SLC25A52: variants seen among roughly 807,000 people sequenced by gnomAD.
The protein encoded by SLC25A52 is solute carrier family 25 member 52, also known as mitochondrial nicotinamide adenine dinucleotide transporter SLC25A52.
In SLC25A52, 12 loss-of-function variants were observed where a neutral mutation model predicts 17.7. The ratio of observed to expected loss-of-function variants is 0.68; its 90% CI spans 0.43 to 1.10. The LOEUF (loss-of-function observed/expected upper bound fraction) is 1.10, where lower values mean the gene tolerates loss of function less well. SLC25A52 is among the 50% of genes least tolerant of loss of function. The probability of loss-of-function intolerance (pLI) is 0.00; values close to 1 mark genes in which losing one functional copy is unlikely to be tolerated. For synonymous variants in SLC25A52, 108 were observed against 135.1 expected (o/e 0.80, Z 1.39); for missense variants, 298 against 364.9 (o/e 0.82, Z 1.49).
chr18:31,760,880 C>A lies in SLC25A52; in HGVS notation c.-219G>T. 1 of 722,918 alleles carries A rather than the reference C, an allele frequency of 1.4e-6. No homozygotes were observed. 44.8% of individuals were successfully genotyped at this position (722,918 alleles called of 1,614,324 possible). ...TCGCCGCCGGCGCCCCGCAGGACTG[C>A]GAGCAAGCCGGGACCTGCGCAGGCG... On this transcript the variant is annotated 5_prime_UTR_variant, in exon 1 of 1. Coordinates refer to ENST00000269205, the MANE Select transcript of SLC25A52 (RefSeq NM_001034172.4).
chr18:31,760,276 C>A lies in SLC25A52; in HGVS notation c.386G>T (p.Gly129Val), dbSNP rs1180598527. The A allele has an allele frequency of 1.2e-6, 2 of 1,613,944 alleles. No homozygotes were observed. The highest frequency in any genetic ancestry group is 2.2e-5 in the South Asian group (2 of 91,070). The part of the protein sequence containing the change: ...ATHGVAAVLA[G>V]TAEAIFTPLE... Reference sequence around the variant, plus strand: ...TGGAGTGAAAATTGCTTCTGCTGTCCCTGCAAGCACTGCCGCCACGCCATG... The same window carrying A: ...TGGAGTGAAAATTGCTTCTGCTGTCACTGCAAGCACTGCCGCCACGCCATG... The change falls in exon 1 of 1, where the codon GGG (glycine) becomes GTG (valine). Residue 129 changes from glycine to valine, a missense_variant. Physicochemically the swap from Gly to Val is moderately radical, Grantham distance 109. Coordinates refer to ENST00000269205, the MANE Select transcript of SLC25A52 (RefSeq NM_001034172.4).
At position 31,760,747 on chromosome 18, in the gene SLC25A52, A is replaced by T; in HGVS notation, c.-86T>A. The T allele has an allele frequency of 5.4e-6, 8 of 1,470,026 alleles. No individual in the cohort carries two copies. Among genetic ancestry groups the T allele is most frequent in the Non-Finnish European group, 7.3e-6 (8 of 1,091,254 alleles). The allele number at this position is 1,470,026 out of a possible 1,614,324, so 91.1% of individuals were successfully genotyped here. On this transcript the variant is annotated 5_prime_UTR_variant, in exon 1 of 1. Coordinates refer to ENST00000269205, the MANE Select transcript of SLC25A52 (RefSeq NM_001034172.4). ...AGTTTGGCAGGATGATAGCTTTGTG[A>T]TAATGTTCCCAATTTCTTCCATTGT...
At position 31,760,475 on chromosome 18, in the gene SLC25A52, T is replaced by C. The variant is rs146271627; in HGVS notation, c.187A>G (p.Ile63Val). 8 of 1,614,226 alleles carry C rather than the reference T, an allele frequency of 5.0e-6. No homozygotes were observed. Among genetic ancestry groups the C allele is most frequent in the Non-Finnish European group, 6.8e-6 (8 of 1,180,038 alleles). Residue 63 changes from isoleucine (I) to valine (V), a missense_variant, in exon 1 of 1, where the codon ATC becomes GTC. By Grantham distance (29) the Ile-to-Val change is conservative. Coordinates refer to ENST00000269205, the MANE Select transcript of SLC25A52 (RefSeq NM_001034172.4). ...TGAAGTACTGCATCCCGGGTTTTGA[T>C]GCCATACAGCTGTTGCCGAAAGAGG... ...KVLFRQQLYG[I>V]KTRDAVLQLR...
chr18:31,759,652 T>A lies in SLC25A52; in HGVS notation c.*116A>T. The stretch of plus-strand genomic sequence containing the variant: ...GAAAACAGCTTTGCCCGTAACTCAC[T>A]GTGGCCTGGAGTTATGACACGAACT... On this transcript the variant is annotated 3_prime_UTR_variant, in exon 1 of 1. Transcript: ENST00000269205. 8.2e-7 allele frequency: 1 copy of A among 1,213,772 alleles called. No homozygotes were observed. Among genetic ancestry groups the A allele is most frequent in the East Asian group, 2.5e-5 (1 of 40,698 alleles). 75.2% of individuals were successfully genotyped at this position (1,213,772 alleles called of 1,614,324 possible).
At position 31,760,381 on chromosome 18, in the gene SLC25A52, G is replaced by A. The variant is rs1568006691; in HGVS notation, c.281C>T (p.Thr94Met). ...ATACAGACCAAACATAAGTGCAAGC[G>A]TAGTTGTCTTCTGCATCAATGGGGG... ...ILPPLMQKTT[T>M]LALMFGLYED... is the part of the protein sequence containing the mutation. The change falls in exon 1 of 1, where the codon ACG becomes ATG. Residue 94 changes from threonine (T) to methionine (M), a missense_variant. Physicochemically the swap from Thr to Met is moderately conservative, Grantham distance 81. Transcript: ENST00000269205. The A allele has an allele frequency of 1.2e-6, 2 of 1,614,174 alleles. No individual in the cohort carries two copies. Among genetic ancestry groups the A allele is most frequent in the Non-Finnish European group, 1.7e-6 (2 of 1,180,040 alleles).
Position 31,760,825 on chromosome 18 carries a change from C to T in SLC25A52, c.-164G>A. 9.6e-7 allele frequency: 1 copy of T among 1,046,000 alleles called. No homozygotes were observed. Among genetic ancestry groups the T allele is most frequent in the Non-Finnish European group, 1.4e-6 (1 of 731,284 alleles). 64.8% of individuals were successfully genotyped at this position (1,046,000 alleles called of 1,614,324 possible). A position where few individuals can be genotyped will look rare whatever the true frequency, so the allele number is the denominator to read the frequency against. On this transcript the variant is annotated 5_prime_UTR_variant, in exon 1 of 1. Transcript: ENST00000269205. ...GAGTCCATTTTGATAACTGGATTTC[C>T]GTTCTCCAGGCGTCCATTTCCCCAA... is the stretch of plus-strand genomic sequence containing the variant.
rs2031496418 is a variant in SLC25A52, at chr18:31,760,592, G to T, written c.70C>A (p.His24Asn). The T allele has an allele frequency of 6.2e-7, 1 of 1,614,028 alleles. No individual in the cohort carries two copies. The highest frequency in any genetic ancestry group is 1.7e-5 in the Admixed American group (1 of 60,004). The change falls in exon 1 of 1, where the codon CAT becomes AAT. Residue 24 changes from histidine to asparagine, a missense_variant. His to Asn is a moderately conservative substitution (Grantham distance 68, BLOSUM62 1). Transcript: ENST00000269205. ...TTCATTTCACCAACATTTGTAATAT[G>T]AGGTGATATATCTTGTTTTGAAGAT... ...LTSSKQDISP[H>N]ITNVGEMKHY... is the part of the protein sequence containing the mutation.
In SLC25A52 at chr18:31,760,308, A is replaced by G. The variant is rs969902687; in HGVS notation, c.354T>C (p.Phe118=). The change falls in exon 1 of 1, where the codon TTT becomes TTC. Residue 118 remains phenylalanine (F), a synonymous_variant. Transcript: ENST00000269205. The part of the protein sequence containing the change: ...LLRKHVRAPE[F]ATHGVAAVLA... ...GCACTGCCGCCACGCCATGGGTTGC[A>G]AACTCTGGAGCACGGACATGCTTCC... 1 of 1,613,996 alleles carries G rather than the reference A, an allele frequency of 6.2e-7. No individual in the cohort carries two copies. The highest frequency in any genetic ancestry group is 1.3e-5 in the African/African-American group (1 of 74,950).
chr18:31,760,875 G>T lies in SLC25A52; in HGVS notation c.-214C>A. ...ACCCATCGCCGCCGGCGCCCCGCAG[G>T]ACTGCGAGCAAGCCGGGACCTGCGC... On this transcript the variant is annotated 5_prime_UTR_variant, in exon 1 of 1. Transcript: ENST00000269205. The T allele has an allele frequency of 1.3e-6, 1 of 750,420 alleles. No individual in the cohort carries two copies. Among genetic ancestry groups the T allele is most frequent in the Non-Finnish European group, 2.1e-6 (1 of 471,930 alleles). The allele number at this position is 750,420 out of a possible 1,614,324, so 46.5% of individuals were successfully genotyped here.
chr18:31,759,614 G>C lies in SLC25A52; in HGVS notation c.*154C>G. The C allele has an allele frequency of 1.3e-6, 1 of 786,312 alleles. No individual in the cohort carries two copies. Among genetic ancestry groups the C allele is most frequent in the Non-Finnish European group, 1.9e-6 (1 of 517,166 alleles). 48.7% of individuals were successfully genotyped at this position (786,312 alleles called of 1,614,324 possible). On this transcript the variant is annotated 3_prime_UTR_variant, in exon 1 of 1. Transcript: ENST00000269205. Reference sequence around the variant, plus strand: ...CTATTGGAACCTTTTATTCTGTTTTGTTGATGCTTAAGGAAAACAGCTTTG... The same window carrying C: ...CTATTGGAACCTTTTATTCTGTTTTCTTGATGCTTAAGGAAAACAGCTTTG...
rs776257277 is a variant in SLC25A52 at position 31,760,695 on chromosome 18, T to C, written c.-34A>G. The C allele has an allele frequency of 7.0e-6, 11 of 1,563,998 alleles. No individual in the cohort carries two copies. The highest frequency in any genetic ancestry group is 1.7e-4 in the Middle Eastern group (1 of 5,780). On this transcript the variant is annotated 5_prime_UTR_variant, in exon 1 of 1. It removes the in-frame stop codon of an upstream open reading frame in the 5' UTR. Coordinates refer to ENST00000269205, the MANE Select transcript of SLC25A52 (RefSeq NM_001034172.4). ...AGATCTTTCTCATGAAGGGCATTTTTTAACCTGTGACATCATCTGAGCCTG... is the reference window on the plus strand; with the variant it reads ...AGATCTTTCTCATGAAGGGCATTTTCTAACCTGTGACATCATCTGAGCCTG...
At position 31,760,329 on chromosome 18, in the gene SLC25A52, C is replaced by G; in HGVS notation, c.333G>C (p.Lys111Asn). ...LYEDLSCLLR[K>N]HVRAPEFATH... ...TTGCAAACTCTGGAGCACGGACATG[C>G]TTCCGGAGAAGGCAGGATAAATCCT... The change falls in exon 1 of 1, where the codon AAG (lysine) becomes AAC (asparagine). Residue 111 changes from lysine (K) to asparagine (N), a missense_variant. Coordinates refer to ENST00000269205, the MANE Select transcript of SLC25A52 (RefSeq NM_001034172.4). 1 of 1,614,186 alleles carries G rather than the reference C, an allele frequency of 6.2e-7. No homozygotes were observed. Among genetic ancestry groups the G allele is most frequent in the Non-Finnish European group, 8.5e-7 (1 of 1,180,014 alleles).
rs1404442477 is a variant in SLC25A52 at position 31,759,771 on chromosome 18, T to G, written c.891A>C (p.Ile297=). ...GCACTTAACTGATGGTTTTTTTTCA[T>G]ATAAATTTTAACAAGAACTCATAAG... ...NATYEFLLKF[I] is the part of the protein sequence containing the mutation. Residue 297 remains isoleucine (I), a synonymous_variant, in exon 1 of 1, where the codon ATA becomes ATC. Coordinates refer to ENST00000269205, the MANE Select transcript of SLC25A52 (RefSeq NM_001034172.4). 6.3e-7 allele frequency: 1 copy of G among 1,599,954 alleles called. No homozygotes were observed. The highest frequency in any genetic ancestry group is 8.5e-7 in the Non-Finnish European group (1 of 1,175,126).
chr18:31,759,911 G>A lies in SLC25A52; in HGVS notation c.751C>T (p.Pro251Ser). Residue 251 changes from proline to serine, a missense_variant, in exon 1 of 1, where the codon CCC (proline) becomes TCC (serine). By Grantham distance (74) the Pro-to-Ser change is moderately conservative. Transcript: ENST00000269205. ...SQIGGEFQSF[P>S]KVFQKIWLER... ...AGCCAGATTTTTTGGAAAACCTTGG[G>A]GAAAGACTGAAATTCCCCACCAATC... The A allele has an allele frequency of 6.2e-7, 1 of 1,612,180 alleles. No individual in the cohort carries two copies. The highest frequency in any genetic ancestry group is 8.5e-7 in the Non-Finnish European group (1 of 1,179,238).
chr18:31,760,503 C>T lies in SLC25A52; in HGVS notation c.159G>A (p.Lys53=), dbSNP rs2031494411. The change falls in exon 1 of 1, where the codon AAG becomes AAA. Residue 53 remains lysine (K), a synonymous_variant. Coordinates refer to ENST00000269205, the MANE Select transcript of SLC25A52 (RefSeq NM_001034172.4). The stretch of plus-strand genomic sequence containing the variant: ...CATACAGCTGTTGCCGAAAGAGGAC[C>T]TTCTGAATGGGATATGTGATTGCGA... The part of the protein sequence containing the change: ...NNVAITYPIQ[K]VLFRQQLYGI... 1 of 1,614,082 alleles carries T rather than the reference C, an allele frequency of 6.2e-7. No homozygotes were observed. The highest frequency in any genetic ancestry group is 1.3e-5 in the African/African-American group (1 of 74,916).
chr18:31,760,382 T>G lies in SLC25A52; in HGVS notation c.280A>C (p.Thr94Pro), dbSNP rs1274961431. 6.2e-7 allele frequency: 1 copy of G among 1,614,160 alleles called. No homozygotes were observed. Among genetic ancestry groups the G allele is most frequent in the Non-Finnish European group, 8.5e-7 (1 of 1,180,036 alleles). Residue 94 changes from threonine (T) to proline (P), a missense_variant, in exon 1 of 1, where the codon ACG becomes CCG. By Grantham distance (38) the Thr-to-Pro change is conservative. Coordinates refer to ENST00000269205, the MANE Select transcript of SLC25A52 (RefSeq NM_001034172.4). ...ILPPLMQKTT[T>P]LALMFGLYED... ...TACAGACCAAACATAAGTGCAAGCG[T>G]AGTTGTCTTCTGCATCAATGGGGGA...
chr18:31,759,839 T>C lies in SLC25A52; in HGVS notation c.823A>G (p.Asn275Asp). The C allele has an allele frequency of 6.2e-7, 1 of 1,609,580 alleles. No homozygotes were observed. The highest frequency in any genetic ancestry group is 8.5e-7 in the Non-Finnish European group (1 of 1,177,694). Residue 275 changes from asparagine (N) to aspartate (D), a missense_variant, in exon 1 of 1, where the codon AAT (asparagine) becomes GAT (aspartate). Asn to Asp is a conservative substitution (Grantham distance 23). Coordinates refer to ENST00000269205, the MANE Select transcript of SLC25A52 (RefSeq NM_001034172.4). ...CAAGAGATGAGGGACCGATGGTAAT[T>C]CAGATGGGCACCTCTGAAAAGATTT... ...LINLFRGAHL[N>D]YHRSLISWGI...
rs577470627 is a variant in SLC25A52 at position 31,759,800 on chromosome 18, C to T, written c.862G>A (p.Ala288Thr). The change falls in exon 1 of 1, where the codon GCA becomes ACA. Residue 288 changes from alanine (A) to threonine (T), a missense_variant. Coordinates refer to ENST00000269205, the MANE Select transcript of SLC25A52 (RefSeq NM_001034172.4). ...RSLISWGIIN[A>T]TYEFLLKFI is the part of the protein sequence containing the mutation. ...AATTTTAACAAGAACTCATAAGTTGCATTGATTATGCCCCAAGAGATGAGG... is the reference window on the plus strand; with the variant it reads ...AATTTTAACAAGAACTCATAAGTTGTATTGATTATGCCCCAAGAGATGAGG... 249 of 1,597,516 alleles carry T rather than the reference C, an allele frequency of 1.6e-4. 2 individuals carry two copies. The South Asian group carries it at 2.7e-3, about 17-fold the overall frequency.
chr18:31,760,816 C>A lies in SLC25A52; in HGVS notation c.-155G>T, dbSNP rs1326466734. 4 of 1,120,202 alleles carry A rather than the reference C, an allele frequency of 3.6e-6. No individual in the cohort carries two copies. The highest frequency in any genetic ancestry group is 5.0e-5 in the East Asian group (2 of 39,668). 69.4% of individuals were successfully genotyped at this position (1,120,202 alleles called of 1,614,324 possible). ...TCTCTTCCCGAGTCCATTTTGATAA[C>A]TGGATTTCCGTTCTCCAGGCGTCCA... On this transcript the variant is annotated 5_prime_UTR_variant, in exon 1 of 1. Transcript: ENST00000269205.
Sources: allele counts gnomAD v4.1 joint callset, GRCh38; gene constraint gnomAD v4.1.1; transcripts MANE v1.5; gene names NCBI Gene and HGNC (gene_info 2026-07-23, HGNC 2026-07-21).